The following UAP1L1 variants were observed in gnomAD, a reference collection of about 807,000 sequenced individuals.
UAP1L1 encodes the protein UDP-N-acetylglucosamine pyrophosphorylase 1 like 1, also known as UDP-N-acetylhexosamine pyrophosphorylase-like protein 1.
A neutral mutation model predicts 45.3 loss-of-function variants in UAP1L1; 45 were observed. The ratio of observed to expected loss-of-function variants is 0.99; its 90% CI spans 0.78 to 1.27. The LOEUF is 1.27. Among genes scored for constraint, UAP1L1 ranks in the 50% most tolerant of loss-of-function variants. The probability of loss-of-function intolerance (pLI) is 0.00; values close to 1 mark genes in which losing one functional copy is unlikely to be tolerated. For synonymous variants in UAP1L1, 323 were observed against 303.9 expected, an observed-to-expected ratio of 1.06 and a Z score of -0.65; for missense variants, 667 against 694.0, an observed-to-expected ratio of 0.96 and a Z score of 0.44.
intron 6 of UAP1L1, 84 bp downstream of exon 6, chr9:137,080,226 T>C: frequency 1.3e-6 from 2 of 1,564,024 alleles, no homozygotes; most frequent in Non-Finnish European, 1.7e-6. Flanking sequence ...GGTAGGGAAG[T>C]AGAGGCTTGA....
intron 5 of UAP1L1, 29 bp downstream of exon 5, chr9:137,079,478 C>A: frequency 6.4e-7 from 1 of 1,557,984 alleles, no homozygotes; most frequent in South Asian, 1.2e-5. Flanking sequence ...CTGCGGATTG[C>A]CGGCCAGAGC....
Position 137,082,246 on chromosome 9 carries a change from G to A in UAP1L1, c.1431+182G>A. ...GTTGGGGTGGGGTGAGGCATCCAGA[G>A]GCCTTTGCAGGTCCTGGGAGGGCAT... On this transcript the variant is annotated intron_variant, in intron 8 of 8. Transcript: ENST00000409858. The surrounding 1 kb of genome is among the most constrained non-coding windows in gnomAD (Gnocchi z 5.7). 1 of 651,394 alleles carries A rather than the reference G, an allele frequency of 1.5e-6. No homozygotes were observed. Among genetic ancestry groups the A allele is most frequent in the East Asian group, 2.7e-5 (1 of 36,758 alleles). 40.4% of individuals were successfully genotyped at this position (651,394 alleles called of 1,614,324 possible).
Position 137,082,582 on chromosome 9 carries a change from G to A in UAP1L1, c.1432-55G>A. ...CTGTGGCTCTTGGTGTGGCCAGAGGGGCTGTGACCCGCCAAAAGGTGGGTA... is the reference window on the plus strand; with the variant it reads ...CTGTGGCTCTTGGTGTGGCCAGAGGAGCTGTGACCCGCCAAAAGGTGGGTA... On this transcript the variant is annotated intron_variant, in intron 8 of 8. Coordinates refer to ENST00000409858, the MANE Select transcript of UAP1L1 (RefSeq NM_207309.3). The surrounding 1 kb of genome is among the most constrained non-coding windows in gnomAD (Gnocchi z 5.7). 1.4e-6 allele frequency: 2 copies of A among 1,428,846 alleles called. No individual in the cohort carries two copies. The highest frequency in any genetic ancestry group is 1.7e-4 in the Middle Eastern group (1 of 5,742). 88.5% of individuals were successfully genotyped at this position (1,428,846 alleles called of 1,614,324 possible). A position where few individuals can be genotyped will look rare whatever the true frequency, so the allele number is the denominator to read the frequency against.
In UAP1L1 at chr9:137,078,168, G is replaced by C. The variant is rs1422708034; in HGVS notation, c.408G>C (p.Lys136Asn). The C allele has an allele frequency of 6.5e-7, 1 of 1,549,948 alleles. No homozygotes were observed. The highest frequency in any genetic ancestry group is 8.7e-7 in the Non-Finnish European group (1 of 1,146,840). The change falls in exon 2 of 9, where the codon AAG becomes AAC. Residue 136 changes from lysine (K) to asparagine (N), a missense_variant. Coordinates refer to ENST00000409858, the MANE Select transcript of UAP1L1 (RefSeq NM_207309.3). ...GMYRVGLPSR[K>N]TLYQLQAERI... ...ACCGTGTGGGGCTGCCCAGCCGGAA[G>C]ACCCTGTACCAGCTGCAGGCGGAGC...
chr9:137,078,707 C>T (rs759691985), intron 3 of UAP1L1, 30 bp downstream of exon 3: 7 of 1,595,418 alleles, frequency 4.4e-6, no homozygotes, highest in East Asian at 4.5e-5. Context: ...CGGGGAGGGA[C>T]CGCCCAGACT....
chr9:137,081,506 C>T (rs1261169930), intron 7 of UAP1L1, among the ~76,000 whole-genome samples: 3 of 151,910 alleles, frequency 2.0e-5, no homozygotes, highest in Non-Finnish European at 4.4e-5. Flanking sequence ...CCACCTCACC[C>T]GGCTATTTTT....
Position 137,077,893 on chromosome 9 carries a change from G to A in UAP1L1, c.289+72G>A. The A allele has an allele frequency of 6.8e-7, 1 of 1,466,312 alleles. No individual in the cohort carries two copies. The highest frequency in any genetic ancestry group is 9.0e-7 in the Non-Finnish European group (1 of 1,111,576). The allele number at this position is 1,466,312 out of a possible 1,614,324, so 90.8% of individuals were successfully genotyped here. A position where few individuals can be genotyped will look rare whatever the true frequency, so the allele number is the denominator to read the frequency against. ...CGGAGCGGGTGGGAACCGAGGCCGCGCTCGGGGAACTGTAGTTCTCCTCGC... is the reference window on the plus strand; with the variant it reads ...CGGAGCGGGTGGGAACCGAGGCCGCACTCGGGGAACTGTAGTTCTCCTCGC... On this transcript the variant is annotated intron_variant, in intron 1 of 8. Coordinates refer to ENST00000409858, the MANE Select transcript of UAP1L1 (RefSeq NM_207309.3). This position sits in a 1 kb window ranked among gnomAD's most constrained non-coding sequence, Gnocchi z 4.7.
Position 137,077,934 on chromosome 9 carries a change from C to T in UAP1L1, c.289+113C>T, listed in dbSNP as rs1588570379. ...TTCTCCTCGCTACTTTGAGACGTGTCTCGCCTCACGCGTTCCGGCCCCCGA... is the reference window on the plus strand; with the variant it reads ...TTCTCCTCGCTACTTTGAGACGTGTTTCGCCTCACGCGTTCCGGCCCCCGA... On this transcript the variant is annotated intron_variant, in intron 1 of 8. Coordinates refer to ENST00000409858, the MANE Select transcript of UAP1L1 (RefSeq NM_207309.3). This position sits in a 1 kb window ranked among gnomAD's most constrained non-coding sequence, Gnocchi z 4.7. The T allele has an allele frequency of 6.6e-7, 1 of 1,516,626 alleles. No individual in the cohort carries two copies. The highest frequency in any genetic ancestry group is 1.4e-5 in the African/African-American group (1 of 72,592). The allele number at this position is 1,516,626 out of a possible 1,614,324, so 93.9% of individuals were successfully genotyped here.
Position 137,082,639 on chromosome 9 carries a change from T to G in UAP1L1, c.1434T>G (p.Gly478=). ...CATTGTCCCCTGCTCGTCTCCAGGG[T>G]TTAGAAGTGTACCTGCAAGGCCGGG... is the stretch of plus-strand genomic sequence containing the variant. ...ISPLVSYSGE[G]LEVYLQGREF... The change falls in exon 9 of 9, where the codon GGT becomes GGG. Residue 478 remains glycine, a splice_region_variant and synonymous_variant. Coordinates refer to ENST00000409858, the MANE Select transcript of UAP1L1 (RefSeq NM_207309.3). The surrounding 1 kb of genome is among the most constrained non-coding windows in gnomAD (Gnocchi z 5.7). 6.4e-7 allele frequency: 1 copy of G among 1,550,884 alleles called. No individual in the cohort carries two copies. The highest frequency in any genetic ancestry group is 1.4e-5 in the African/African-American group (1 of 72,854).
In UAP1L1 at chr9:137,082,769, G is replaced by GC. The variant is rs913562014; in HGVS notation, c.*44dup. 1.3e-6 allele frequency: 2 copies of GC among 1,502,340 alleles called. No homozygotes were observed. Among genetic ancestry groups the GC allele is most frequent in the Non-Finnish European group, 1.8e-6 (2 of 1,114,270 alleles). 93.1% of individuals were successfully genotyped at this position (1,502,340 alleles called of 1,614,324 possible). On this transcript the variant is annotated 3_prime_UTR_variant, in exon 9 of 9. Transcript: ENST00000409858. This position sits in a 1 kb window ranked among gnomAD's most constrained non-coding sequence, Gnocchi z 5.7. ...CCCCAGACTCCCCCGAGACCTGCCAGCCCCGGCATCCTGGAAGTCCCGACT... is the reference window on the plus strand; with the variant it reads ...CCCCAGACTCCCCCGAGACCTGCCAGCCCCCGGCATCCTGGAAGTCCCGACT...
chr9:137,078,126 C>T lies in UAP1L1; in HGVS notation c.366C>T (p.Thr122=). 3 of 1,550,270 alleles carry T rather than the reference C, an allele frequency of 1.9e-6. No homozygotes were observed. The highest frequency in any genetic ancestry group is 1.7e-4 in the Middle Eastern group (1 of 5,964). ...GGCAGGGCACTCGCCTGGGCGTGAC[C>T]TACCCCAAGGGTATGTACCGTGTGG... ...AGGQGTRLGV[T]YPKGMYRVGL... is the part of the protein sequence containing the mutation. The change falls in exon 2 of 9, where the codon ACC becomes ACT. Residue 122 remains threonine (T), a synonymous_variant. Transcript: ENST00000409858.
intron 5 of UAP1L1, 89 bp from the exon 6 acceptor site, chr9:137,079,913 G>A: frequency 6.6e-7 from 1 of 1,521,078 alleles, no homozygotes; most frequent in Non-Finnish European, 9.0e-7. Context: ...GTCCCACCCA[G>A]CTGGGTGTGC....
chr9:137,078,703 G>A (rs750279871), intron 3 of UAP1L1, 26 bp downstream of exon 3: 4 of 1,598,388 alleles, frequency 2.5e-6, no homozygotes, highest in South Asian at 2.2e-5. Flanking sequence ...GAGACGGGGA[G>A]GGACCGCCCA....
chr9:137,080,105 A>T lies in UAP1L1; in HGVS notation c.1141A>T (p.Met381Leu). 6.2e-7 allele frequency: 1 copy of T among 1,614,182 alleles called. No homozygotes were observed. Among genetic ancestry groups the T allele is most frequent in the Non-Finnish European group, 8.5e-7 (1 of 1,179,994 alleles). Residue 381 changes from methionine to leucine, a missense_variant, in exon 6 of 9, where the codon ATG (methionine) becomes TTG (leucine). Physicochemically the swap from Met to Leu is conservative, Grantham distance 15. Transcript: ENST00000409858. ...GCCGCTAAAACCGAACGGGATAAAGATGGAGAAGTTTGTGTTTGATGTGTT... is the reference window on the plus strand; with the variant it reads ...GCCGCTAAAACCGAACGGGATAAAGTTGGAGAAGTTTGTGTTTGATGTGTT... ...VKPLKPNGIK[M>L]EKFVFDVFRF...
rs1832796566 is a variant in UAP1L1 at position 137,082,108 on chromosome 9, T to G, written c.1431+44T>G. 6.3e-7 allele frequency: 1 copy of G among 1,595,216 alleles called. No individual in the cohort carries two copies. Among genetic ancestry groups the G allele is most frequent in the Non-Finnish European group, 8.6e-7 (1 of 1,163,072 alleles). On this transcript the variant is annotated intron_variant, in intron 8 of 8. Coordinates refer to ENST00000409858, the MANE Select transcript of UAP1L1 (RefSeq NM_207309.3). This position sits in a 1 kb window ranked among gnomAD's most constrained non-coding sequence, Gnocchi z 5.7. ...TATCTGGGGCTTTTCTGGTGTCAGG[T>G]TTGGAATACCATCTGGGGAGAGGTG...
Position 137,083,463 on chromosome 9 carries a change from C to T in UAP1L1, c.*734C>T, listed in dbSNP as rs1354983546. ...TATCCCCAAGGCCTCTGCCTCTCAG[C>T]CTCTTCCATGGTCGGTTTAGGCTGC... On this transcript the variant is annotated 3_prime_UTR_variant, in exon 9 of 9. Transcript: ENST00000409858. The T allele has an allele frequency of 6.6e-6, 1 of 152,434 alleles. No individual in the cohort carries two copies. The highest frequency in any genetic ancestry group is 1.5e-5 in the Non-Finnish European group (1 of 68,206). The allele number at this position is 152,434 out of a possible 1,614,324, so 9.4% of individuals were successfully genotyped here. A position where few individuals can be genotyped will look rare whatever the true frequency, so the allele number is the denominator to read the frequency against.
At position 137,080,050 on chromosome 9, in the gene UAP1L1, G is replaced by T; in HGVS notation, c.1086G>T (p.Pro362=). Residue 362 remains proline, a synonymous_variant, in exon 6 of 9, where the codon CCG becomes CCT. Coordinates refer to ENST00000409858, the MANE Select transcript of UAP1L1 (RefSeq NM_207309.3). ...LKPHVAVKKV[P]YVDEEGNLVK... ...CACACGTGGCTGTGAAGAAGGTCCCGTATGTGGATGAGGAGGGGAATCTGG... is the reference window on the plus strand; with the variant it reads ...CACACGTGGCTGTGAAGAAGGTCCCTTATGTGGATGAGGAGGGGAATCTGG... The T allele has an allele frequency of 1.9e-6, 3 of 1,614,142 alleles. No individual in the cohort carries two copies. Among genetic ancestry groups the T allele is most frequent in the Non-Finnish European group, 2.5e-6 (3 of 1,179,982 alleles).
intron 5 of UAP1L1, 106 bp downstream of exon 5, chr9:137,079,555 G>A: frequency 1.7e-6 from 2 of 1,156,622 alleles, no homozygotes; most frequent in Non-Finnish European, 2.4e-6. Context: ...AGCGGCTGTG[G>A]TCAGGAGTGG....
intron 7 of UAP1L1, among the ~76,000 whole-genome samples, chr9:137,081,457 C>T (rs943608736): frequency 6.6e-5 from 10 of 151,924 alleles, no homozygotes; most frequent in African/African-American, 1.7e-4. Context: ...GTGATCTGCC[C>T]GCCTCGGCCT....
Sources: allele counts gnomAD v4.1 joint callset (sites outside exome capture counted in the v4.1 genomes callset), GRCh38; gene constraint gnomAD v4.1.1; non-coding constraint Gnocchi (gnomAD v3.1); transcripts MANE v1.5; gene names NCBI Gene and HGNC (gene_info 2026-07-23, HGNC 2026-07-21).